The following MGAT5B variants were observed in gnomAD, a reference collection of about 807,000 sequenced individuals.
MGAT5B encodes the protein N-acetylglucosaminyl-transferase Vb.
MGAT5B carries 54 observed loss-of-function variants against 95.1 expected under a neutral mutation model. The ratio of observed to expected loss-of-function variants is 0.57; its 90% CI spans 0.46 to 0.71. MGAT5B has a LOEUF of 0.71. MGAT5B is among the 30% of genes least tolerant of loss of function. The probability of loss-of-function intolerance (pLI) is 0.00; values close to 1 mark genes in which losing one functional copy is unlikely to be tolerated. For missense variants in MGAT5B, 935 were observed against 1,088.6 expected (o/e 0.86, Z 1.99); for synonymous variants, 464 against 451.0 (o/e 1.03, Z -0.36).
chr17:76,925,065 G>A lies in MGAT5B; in HGVS notation c.1125G>A (p.Lys375=). Residue 375 remains lysine (K), a synonymous_variant, in exon 9 of 18, where the codon AAG becomes AAA. Coordinates refer to ENST00000569840, the MANE Select transcript of MGAT5B (RefSeq NM_001199172.2). ...ACTACCACGGCCTGCAGCAGATGAA[G>A]CGGCACATGGGACTCTCCTTCAAGA... is the stretch of plus-strand genomic sequence containing the variant. ...YTDYHGLQQM[K]RHMGLSFKKY... is the part of the protein sequence containing the mutation. The A allele has an allele frequency of 1.2e-6, 2 of 1,611,544 alleles. No homozygotes were observed. The highest frequency in any genetic ancestry group is 2.2e-5 in the East Asian group (1 of 44,732).
At chr17:76,896,942 A>G (rs558806486) in intron 3 of MGAT5B, among the ~76,000 whole-genome samples, 2 of 152,048 alleles carry the variant, frequency 1.3e-5, no homozygotes, top group African/African-American at 4.8e-5. Flanking sequence ...TTTTTTAAAC[A>G]AAGTCTTGTT....
intron 12 of MGAT5B, 128 bp from the exon 13 acceptor site, chr17:76,937,860 C>G: frequency 9.0e-7 from 1 of 1,112,306 alleles, no homozygotes; most frequent in Non-Finnish European, 1.3e-6. Flanking sequence ...CAGTGTCCCA[C>G]AGCCAGTTAA....
Position 76,882,131 on chromosome 17 carries a change from T to A in MGAT5B, c.182-20T>A. ...AGGCTGCTCGGGCCTCCCCTAACCATACCCACACTCTGCCCACAGTGATGG... is the reference window on the plus strand; with the variant it reads ...AGGCTGCTCGGGCCTCCCCTAACCAAACCCACACTCTGCCCACAGTGATGG... On this transcript the variant is annotated intron_variant, in intron 2 of 17. Coordinates refer to ENST00000569840, the MANE Select transcript of MGAT5B (RefSeq NM_001199172.2). 6.2e-7 allele frequency: 1 copy of A among 1,600,344 alleles called. No individual in the cohort carries two copies. The highest frequency in any genetic ancestry group is 8.5e-7 in the Non-Finnish European group (1 of 1,171,576).
intron 3 of MGAT5B, among the ~76,000 whole-genome samples, chr17:76,884,089 C>CT (rs1312803348): frequency 1.3e-5 from 2 of 152,254 alleles, no homozygotes; most frequent in African/African-American, 4.8e-5. Context: ...TCAAAACACA[C>CT]TAAGCACCTG....
rs1158645133 is a variant in MGAT5B, at chr17:76,917,803, C to T, written c.1026-7163C>T. On this transcript the variant is annotated intron_variant, in intron 8 of 17. Transcript: ENST00000569840. The surrounding 1 kb of genome is among the most constrained non-coding windows in gnomAD (Gnocchi z 6.1). ...GGAGCTGAAAATAATCCCCGACGCC[C>T]AGGCCCCAGCCCGGAGCAAATAGAG... 6.6e-6 allele frequency among the ~76,000 whole-genome samples: 1 copy of T among 152,220 alleles called. No individual in the cohort carries two copies. The highest frequency in any genetic ancestry group is 1.5e-5 in the Non-Finnish European group (1 of 68,036).
chr17:76,876,185 C>T (rs1359298292), intron 2 of MGAT5B, among the ~76,000 whole-genome samples: 2 of 152,170 alleles, frequency 1.3e-5, no homozygotes, highest in Admixed American at 1.3e-4. Flanking sequence ...CCTCAAACTA[C>T]ATCCCCACGC....
At chr17:76,874,092 T>C (rs1967097511) in intron 2 of MGAT5B, among the ~76,000 whole-genome samples, 1 of 152,220 alleles carries the variant, frequency 6.6e-6, no homozygotes, top group East Asian at 1.9e-4. Flanking sequence ...CTCACGCTTA[T>C]TAGTCATTCA....
chr17:76,890,136 G>A (rs1448732533), intron 3 of MGAT5B, among the ~76,000 whole-genome samples: 2 of 152,250 alleles, frequency 1.3e-5, no homozygotes, highest in Non-Finnish European at 2.9e-5. Flanking sequence ...TCCTGGGTCT[G>A]AAGAGGGACA....
chr17:76,947,978 C>T lies in MGAT5B; in HGVS notation c.2072C>T (p.Ala691Val). ...GAWPPAHALR[A>V]WLAVPGRACT... ...TGGCCCCCCGCGCACGCCCTGCGGG[C>T]CTGGCTGGCCGTGCCTGGGAGGGCC... The change falls in exon 17 of 18, where the codon GCC (alanine) becomes GTC (valine). Residue 691 changes from alanine (A) to valine (V), a missense_variant. Transcript: ENST00000569840. 6.2e-7 allele frequency: 1 copy of T among 1,612,120 alleles called. No individual in the cohort carries two copies. The highest frequency in any genetic ancestry group is 8.5e-7 in the Non-Finnish European group (1 of 1,179,226).
intron 8 of MGAT5B, 64 bp from the exon 9 acceptor site, chr17:76,924,902 C>G (rs1784960588): frequency 6.3e-7 from 1 of 1,593,860 alleles, no homozygotes; most frequent in Non-Finnish European, 8.6e-7. Flanking sequence ...CTCTAAGGAA[C>G]TGGGGTGGCC....
intron 1 of MGAT5B, among the ~76,000 whole-genome samples, chr17:76,871,286 G>A (rs1254983607): frequency 6.6e-6 from 1 of 152,164 alleles, no homozygotes; most frequent in Non-Finnish European, 1.5e-5. Flanking sequence ...TTCCTCTGAG[G>A]GACCCCAAGA....
At chr17:76,893,421 G>T (rs1464813320) in intron 3 of MGAT5B, among the ~76,000 whole-genome samples, 1 of 152,202 alleles carries the variant, frequency 6.6e-6, no homozygotes, top group African/African-American at 2.4e-5. Flanking sequence ...CACTGTTCAT[G>T]TTCACGCTGC....
At chr17:76,876,793 G>A (rs914246395) in intron 2 of MGAT5B, among the ~76,000 whole-genome samples, 3 of 152,194 alleles carry the variant, frequency 2.0e-5, no homozygotes, top group Non-Finnish European at 2.9e-5. Context: ...AGGCTGCATG[G>A]GGAATCATGA....
At chr17:76,904,133 G>C (rs1368268026) in intron 5 of MGAT5B, 119 bp from the exon 6 acceptor site, 1 of 1,009,386 alleles carries the variant, frequency 9.9e-7, no homozygotes, top group East Asian at 2.6e-5. Flanking sequence ...TGCATCAGTA[G>C]GGTGGGCCAC....
chr17:76,911,221 G>C (rs533498152), intron 8 of MGAT5B, among the ~76,000 whole-genome samples: 1 of 152,228 alleles, frequency 6.6e-6, no homozygotes, highest in Non-Finnish European at 1.5e-5. Context: ...AATTGGAAAA[G>C]CTTGAGGCTG....
chr17:76,883,485 T>A (rs1007648419), intron 3 of MGAT5B, among the ~76,000 whole-genome samples: 17 of 152,128 alleles, frequency 1.1e-4, no homozygotes, highest in African/African-American at 2.4e-4. Flanking sequence ...CAGGGACACA[T>A]GAGGTGTGAC....
rs1240698645 is a variant in MGAT5B at position 76,938,830 on chromosome 17, C to G, written c.1584+687C>G. Among the ~76,000 whole-genome samples the G allele has an allele frequency of 6.6e-6, 1 of 152,058 alleles. No homozygotes were observed. Among genetic ancestry groups the G allele is most frequent in the Non-Finnish European group, 1.5e-5 (1 of 68,006 alleles). On this transcript the variant is annotated intron_variant, in intron 13 of 17. Coordinates refer to ENST00000569840, the MANE Select transcript of MGAT5B (RefSeq NM_001199172.2). This position sits in a 1 kb window ranked among gnomAD's most constrained non-coding sequence, Gnocchi z 4.3. Reference sequence around the variant, plus strand: ...AGTAGCTGGGACTATTGGCATACACCACCACACCTGGCTAATTTTTAAATT... The same window carrying G: ...AGTAGCTGGGACTATTGGCATACACGACCACACCTGGCTAATTTTTAAATT...
At position 76,902,601 on chromosome 17, in the gene MGAT5B, C is replaced by G. The variant is rs151190900; in HGVS notation, c.376C>G (p.Gln126Glu). 1,827 of 1,603,948 alleles carry G rather than the reference C, an allele frequency of 1.1e-3. 6 individuals are homozygous for G. The highest frequency in any genetic ancestry group is 1.0e-3 in the Non-Finnish European group (1,205 of 1,174,984). ...GLMERIQAIA[Q>E]NVSDIAVKVD... ...CATGGAGCGGATCCAGGCTATTGCC[C>G]AGAACGTCTCCGACATCGCTGTGAA... The change falls in exon 4 of 18, where the codon CAG becomes GAG. Residue 126 changes from glutamine to glutamate, a missense_variant. Physicochemically the swap from Gln to Glu is conservative, Grantham distance 29. Transcript: ENST00000569840.
Position 76,902,664 on chromosome 17 carries a change from A to G in MGAT5B, c.439A>G (p.Ser147Gly). Residue 147 changes from serine to glycine, a missense_variant, in exon 4 of 18, where the codon AGC becomes GGC. Transcript: ENST00000569840. ...CCTGCGCCACAGTCTGCTCCTGCAC[A>G]GCAAGGGTGGGTGCCAGGGGGCGGG... ...QILRHSLLLH[S>G]KVSEGRRDQC... 1 of 1,554,022 alleles carries G rather than the reference A, an allele frequency of 6.4e-7. No homozygotes were observed.
Sources: gnomAD v4.1 joint callset for allele counts (sites outside exome capture counted in the v4.1 genomes callset) on GRCh38, gnomAD v4.1.1 for gene constraint, Gnocchi (gnomAD v3.1) non-coding constraint, MANE v1.5 for transcripts, NCBI Gene and HGNC (gene_info 2026-07-23, HGNC 2026-07-21) for gene names.